Variants in UNC80 observed in about 807,000 individuals in gnomAD.
The protein encoded by UNC80 is protein unc-80 homolog.
In UNC80, 164 loss-of-function variants were observed where a neutral mutation model predicts 384.6. That is an observed-to-expected ratio of 0.43 (90% confidence interval 0.38 to 0.49). The LOEUF (loss-of-function observed/expected upper bound fraction) is 0.49, where lower values mean the gene tolerates loss of function less well. Ranked by LOEUF, UNC80 falls within the 20% of genes least tolerant of loss-of-function variation. The pLI is 0.00. For missense variants in UNC80, 3,330 were observed against 4,143.0 expected (o/e 0.80, Z 5.39); for synonymous variants, 1,486 against 1,527.8 (o/e 0.97, Z 0.64).
intron 59 of UNC80, among the ~76,000 whole-genome samples, chr2:209,980,668 A>G (rs2093135770): frequency 6.6e-6 from 1 of 152,236 alleles, no homozygotes; most frequent in South Asian, 2.1e-4. Flanking sequence ...AAGATAAGGA[A>G]GAAGGAAGTA....
intron 6 of UNC80, among the ~76,000 whole-genome samples, chr2:209,791,317 G>A (rs1056722638): frequency 7.9e-5 from 12 of 152,018 alleles, no homozygotes; most frequent in South Asian, 2.1e-4. Context: ...TTTCTCCTTA[G>A]GAACCTATAG....
rs772406348 is a variant in UNC80, at chr2:209,973,221, C to T, written c.8538C>T (p.Asp2846=). Residue 2846 remains aspartate (D), a synonymous_variant, in exon 56 of 65, where the codon GAC becomes GAT. Coordinates refer to ENST00000673920, the MANE Select transcript of UNC80 (RefSeq NM_001371986.1). The stretch of plus-strand genomic sequence containing the variant: ...CCACCCCTGGGGATGCGGGGAAAGA[C>T]TTGCGCAGGGAAGGGCTGGCTGAGT... The part of the protein sequence containing the change: ...HCSTPGDAGK[D]LRREGLAEST... The T allele has an allele frequency of 1.2e-5, 18 of 1,551,560 alleles. No homozygotes were observed. Among genetic ancestry groups the T allele is most frequent in the South Asian group, 9.5e-5 (8 of 84,060 alleles).
At chr2:209,781,643 C>T (rs145735887) in intron 4 of UNC80, among the ~76,000 whole-genome samples, 5 of 152,236 alleles carry the variant, frequency 3.3e-5, no homozygotes, top group East Asian at 1.9e-4. Flanking sequence ...TGTTGTCTGC[C>T]GCTTTAACAT....
At chr2:209,804,673 T>C (rs956783588) in intron 7 of UNC80, among the ~76,000 whole-genome samples, 2 of 151,694 alleles carry the variant, frequency 1.3e-5, no homozygotes, top group African/African-American at 4.8e-5. Flanking sequence ...TTAAGTTTCT[T>C]AGAAGTTATA....
chr2:209,808,620 AGGCACGCCTCC>A (rs1284391676), intron 7 of UNC80, among the ~76,000 whole-genome samples: 53 of 149,708 alleles, frequency 3.5e-4, no homozygotes, highest in Admixed American at 1.3e-3. Context: ...CCTTAGGGGG[AGGCACGCCTCC>A]AATTGGCGCG....
At chr2:209,973,473 G>T (rs1268068407) in intron 56 of UNC80, among the ~76,000 whole-genome samples, 1 of 152,254 alleles carries the variant, frequency 6.6e-6, no homozygotes, top group South Asian at 2.1e-4. Flanking sequence ...GAAGCCACTT[G>T]AACAAGAAAC....
Position 209,794,661 on chromosome 2 carries a change from G to A in UNC80, c.938+802G>A, listed in dbSNP as rs183681533. The A allele has an allele frequency of 6.2e-4, 209 of 335,720 alleles. 1 individual carries two copies. The highest frequency in any genetic ancestry group is 3.9e-3 in the African/African-American group (177 of 45,586). 20.8% of individuals were successfully genotyped at this position (335,720 alleles called of 1,614,324 possible). A position where few individuals can be genotyped will look rare whatever the true frequency, so the allele number is the denominator to read the frequency against. ...GTGTTGTGGGAGGGACCCAGGGGGA[G>A]GTAATTGAATCATGGGGGCCAGTCT... On this transcript the variant is annotated intron_variant, in intron 7 of 64. Transcript: ENST00000673920.
At chr2:209,853,885 G>A (rs2191908) in intron 22 of UNC80, among the ~76,000 whole-genome samples, 26,703 of 152,048 alleles carry the variant, frequency 0.18, 3,215 homozygotes, top group African/African-American at 0.34. Context: ...TAGTCTGTGA[G>A]TGGAGGAAAT....
At chr2:209,830,941 C>T (rs569502329) in intron 15 of UNC80, among the ~76,000 whole-genome samples, 1 of 152,244 alleles carries the variant, frequency 6.6e-6, no homozygotes, top group East Asian at 1.9e-4. Flanking sequence ...TGCAGGGCTC[C>T]TGCCTGACTC....
chr2:209,793,894 A>T, intron 7 of UNC80, 35 bp downstream of exon 7: 6 of 1,609,318 alleles, frequency 3.7e-6, no homozygotes, highest in Non-Finnish European at 5.1e-6. Context: ...AAAATGTGTC[A>T]CTGGTCACCA....
At chr2:209,778,685 G>T (rs528014251) in intron 4 of UNC80, among the ~76,000 whole-genome samples, 37 of 152,304 alleles carry the variant, frequency 2.4e-4, no homozygotes, top group African/African-American at 8.7e-4. Context: ...ACACACTGCA[G>T]TTCCAATGCA....
intron 22 of UNC80, among the ~76,000 whole-genome samples, chr2:209,852,861 A>G (rs1438536021): frequency 6.6e-6 from 1 of 152,092 alleles, no homozygotes; most frequent in Non-Finnish European, 1.5e-5. Context: ...AGAATGCCTC[A>G]GTTTTTAAGT....
intron 28 of UNC80, among the ~76,000 whole-genome samples, chr2:209,896,626 T>G (rs974752593): frequency 1.4e-4 from 21 of 152,186 alleles, no homozygotes; most frequent in African/African-American, 5.1e-4. Flanking sequence ...AAGACCAAGT[T>G]TTTTTGGTTA....
Position 209,771,848 on chromosome 2 carries a change from T to G in UNC80, c.-225T>G, listed in dbSNP as rs867834881. ...CGGACCGCTGCTCCGAGCGCCCCCCTCCTCGCTCCGCGGCTCCTCCAGCCC... is the reference window on the plus strand; with the variant it reads ...CGGACCGCTGCTCCGAGCGCCCCCCGCCTCGCTCCGCGGCTCCTCCAGCCC... On this transcript the variant is annotated 5_prime_UTR_variant, in exon 1 of 65. Transcript: ENST00000673920. 5.6e-6 allele frequency: 3 copies of G among 540,190 alleles called. No homozygotes were observed. The African/African-American group carries it at 6.1e-5, about 11-fold the overall frequency. 33.5% of individuals were successfully genotyped at this position (540,190 alleles called of 1,614,324 possible). A position where few individuals can be genotyped will look rare whatever the true frequency, so the allele number is the denominator to read the frequency against.
At chr2:209,789,434 C>G in intron 5 of UNC80, 98 bp from the exon 6 acceptor site, 1 of 780,382 alleles carries the variant, frequency 1.3e-6, no homozygotes, top group Non-Finnish European at 2.1e-6. Context: ...TAATAATGTT[C>G]TATTAAAATA....
chr2:209,905,846 G>C (rs2088128949), intron 29 of UNC80, among the ~76,000 whole-genome samples: 1 of 152,184 alleles, frequency 6.6e-6, no homozygotes, highest in Admixed American at 6.5e-5. Flanking sequence ...AGGAGATGAA[G>C]ACAGTGACCA....
chr2:209,915,101 G>A (rs2089371138), intron 31 of UNC80, among the ~76,000 whole-genome samples: 1 of 151,658 alleles, frequency 6.6e-6, no homozygotes. Context: ...ATAAACAGGT[G>A]GACGGGGCTT....
At chr2:209,892,410 T>C (rs897620995) in intron 26 of UNC80, among the ~76,000 whole-genome samples, 1 of 152,190 alleles carries the variant, frequency 6.6e-6, no homozygotes, top group Non-Finnish European at 1.5e-5. Context: ...AACTGATGTT[T>C]TTCATGTACA....
At chr2:209,776,321 C>T (rs961233362) in intron 3 of UNC80, among the ~76,000 whole-genome samples, 2 of 152,120 alleles carry the variant, frequency 1.3e-5, no homozygotes, top group Non-Finnish European at 1.5e-5. Context: ...GTGGCTCATG[C>T]CTGTAATCCC....
Sources: gnomAD v4.1 joint callset for allele counts (sites outside exome capture counted in the v4.1 genomes callset) on GRCh38, gnomAD v4.1.1 for gene constraint, MANE v1.5 for transcripts, NCBI Gene and HGNC (gene_info 2026-07-23, HGNC 2026-07-21) for gene names.